The following ABLIM1 variants were observed in gnomAD, a reference collection of about 807,000 sequenced individuals.
ABLIM1 encodes the protein actin-binding LIM protein 1.
In ABLIM1, 40 loss-of-function variants were observed where a neutral mutation model predicts 107.0. The observed-to-expected ratio is 0.37, with a 90% CI of 0.29 to 0.49. The LOEUF is 0.49. Among genes scored for constraint, ABLIM1 ranks in the 20% least tolerant of loss-of-function variants. The probability of loss-of-function intolerance (pLI) is 0.97; values close to 1 mark genes in which losing one functional copy is unlikely to be tolerated. For missense variants in ABLIM1, 857 were observed against 1,008.5 expected, an observed-to-expected ratio of 0.85 and a Z score of 2.04; for synonymous variants, 357 against 357.3, an observed-to-expected ratio of 1.00 and a Z score of 0.01.
intron 1 of ABLIM1, among the ~76,000 whole-genome samples, chr10:114,613,149 CAT>C (rs1452043860): frequency 6.6e-6 from 1 of 152,206 alleles, no homozygotes; most frequent in East Asian, 1.9e-4. Flanking sequence ...AAAGCTAATA[CAT>C]GTGTGGCACT....
chr10:114,795,070 T>A, the ABLIM1 span, among the ~76,000 whole-genome samples: 53 of 152,260 alleles, frequency 3.5e-4, no homozygotes, highest in African/African-American at 1.2e-3. Flanking sequence ...AGTTCTATTT[T>A]TAAGGAAGAA....
intron 8 of ABLIM1, among the ~76,000 whole-genome samples, chr10:114,480,123 T>C (rs539029342): frequency 1.4e-4 from 21 of 152,370 alleles, no homozygotes; most frequent in African/African-American, 4.1e-4. Flanking sequence ...TCTTTGGTCA[T>C]CACAGAATTT....
At chr10:114,614,229 A>G (rs907914599) in intron 1 of ABLIM1, among the ~76,000 whole-genome samples, 1 of 152,114 alleles carries the variant, frequency 6.6e-6, no homozygotes, top group African/African-American at 2.4e-5. Flanking sequence ...AGGCAGGTGG[A>G]TCACCTGAGG....
intron 6 of ABLIM1, among the ~76,000 whole-genome samples, chr10:114,521,805 T>C (rs1590862391): frequency 6.6e-6 from 1 of 152,162 alleles, no homozygotes; most frequent in African/African-American, 2.4e-5. Context: ...GTCATAAGCA[T>C]ACATTCTTGC....
intron 1 of ABLIM1, among the ~76,000 whole-genome samples, chr10:114,644,306 A>AAAAAAAAAT (rs1408072252): frequency 1.3e-4 from 7 of 52,254 alleles, no homozygotes; most frequent in Non-Finnish European, 1.9e-4. Flanking sequence ...AAAAAAAAAA[A>AAAAAAAAAT]ATATATATAT....
intron 1 of ABLIM1, among the ~76,000 whole-genome samples, chr10:114,669,188 A>C (rs1445878750): frequency 6.6e-6 from 1 of 152,206 alleles, no homozygotes; most frequent in African/African-American, 2.4e-5. Context: ...TAAATGATCT[A>C]ACTCAGCAGT....
At position 114,435,189 on chromosome 10, in the gene ABLIM1, G is replaced by A. The variant is rs2059249419; in HGVS notation, c.*1071C>T. The A allele has an allele frequency of 6.6e-6, 1 of 152,190 alleles. No homozygotes were observed. The highest frequency in any genetic ancestry group is 1.5e-5 in the Non-Finnish European group (1 of 68,040). The allele number at this position is 152,190 out of a possible 1,614,324, so 9.4% of individuals were successfully genotyped here. ...AAGGAGTCTACTTTGGAGTTGCAGAGATTTAAAAGAGAAAAACATGTCTTT... is the reference window on the plus strand; with the variant it reads ...AAGGAGTCTACTTTGGAGTTGCAGAAATTTAAAAGAGAAAAACATGTCTTT... On this transcript the variant is annotated 3_prime_UTR_variant, in exon 23 of 23. Transcript: ENST00000533213.
intron 1 of ABLIM1, among the ~76,000 whole-genome samples, chr10:114,705,877 G>A (rs915696197): frequency 1.3e-5 from 2 of 152,210 alleles, no homozygotes; most frequent in Admixed American, 6.5e-5. Flanking sequence ...ACAGAGTAGC[G>A]AAGTGGGAGT....
At chr10:114,759,737 G>A (rs577391768) in intron 1 of ABLIM1, among the ~76,000 whole-genome samples, 4 of 152,140 alleles carry the variant, frequency 2.6e-5, no homozygotes, top group South Asian at 2.1e-4. Context: ...ATCAAAAGTC[G>A]ATCTTTTAAG....
chr10:114,651,931 G>A (rs1003441406), intron 1 of ABLIM1, among the ~76,000 whole-genome samples: 8 of 152,164 alleles, frequency 5.3e-5, no homozygotes, highest in African/African-American at 1.9e-4. Flanking sequence ...GTGTCTCCTT[G>A]CCAGCAGCAG....
chr10:114,632,612 G>C, intron 1 of ABLIM1: 2 of 985,396 alleles, frequency 2.0e-6, no homozygotes, highest in Non-Finnish European at 2.4e-6. Flanking sequence ...ATGGGGCTGG[G>C]GGAAGGTAGA....
At chr10:114,743,458 G>C (rs1448208286) in intron 1 of ABLIM1, among the ~76,000 whole-genome samples, 3 of 152,176 alleles carry the variant, frequency 2.0e-5, no homozygotes, top group African/African-American at 4.8e-5. Flanking sequence ...GCATAAATTA[G>C]ATATAACCAT....
chr10:114,586,329 C>T (rs1047924963), intron 2 of ABLIM1, among the ~76,000 whole-genome samples: 1 of 152,052 alleles, frequency 6.6e-6, no homozygotes, highest in African/African-American at 2.4e-5. Context: ...CTAAGAAGGC[C>T]CTGATTACAG....
rs576806552 is a variant in ABLIM1 at position 114,476,936 on chromosome 10, T to TA, written c.1042-2981dup. On this transcript the variant is annotated intron_variant, in intron 8 of 22. Coordinates refer to ENST00000533213, the MANE Select transcript of ABLIM1 (RefSeq NM_002313.7). Reference sequence around the variant, plus strand: ...TGGCAACGAATGTCTACTGCCCACTTACTACGTGGAAGCCCTGTGCCAAGC... The same window carrying TA: ...TGGCAACGAATGTCTACTGCCCACTTAACTACGTGGAAGCCCTGTGCCAAGC... Among the ~76,000 whole-genome samples, 90 of 152,228 alleles carry TA rather than the reference T, an allele frequency of 5.9e-4. 1 individual carries two copies. Among genetic ancestry groups the TA allele is most frequent in the African/African-American group, 2.2e-3 (90 of 41,548 alleles).
rs1054071585 is a variant in ABLIM1, at chr10:114,434,825, T to C, written c.*1435A>G. ...TAGTGTTGCAGAGCCTGAGGGACTC[T>C]CGTGAGATGCTCTGACCTCCACATC... On this transcript the variant is annotated 3_prime_UTR_variant, in exon 23 of 23. Transcript: ENST00000533213. 1 of 152,182 alleles carries C rather than the reference T, an allele frequency of 6.6e-6. No individual in the cohort carries two copies. Among genetic ancestry groups the C allele is most frequent in the Admixed American group, 6.5e-5 (1 of 15,282 alleles). 9.4% of individuals were successfully genotyped at this position (152,182 alleles called of 1,614,324 possible).
intron 4 of ABLIM1, among the ~76,000 whole-genome samples, chr10:114,569,468 C>T (rs761933403): frequency 1.3e-4 from 20 of 151,918 alleles, no homozygotes; most frequent in South Asian, 8.3e-4. Context: ...TACAGGTACC[C>T]GCCACCACGC....
intron 2 of ABLIM1, 171 bp downstream of exon 2, chr10:114,601,656 T>C (rs1340760678): frequency 9.1e-7 from 1 of 1,094,024 alleles, no homozygotes; most frequent in Non-Finnish European, 1.4e-6. Flanking sequence ...CAGGACTCGT[T>C]CTCGCCCTAG....
chr10:114,698,309 C>T (rs1253098274), intron 1 of ABLIM1, among the ~76,000 whole-genome samples: 1 of 145,194 alleles, frequency 6.9e-6, no homozygotes, highest in East Asian at 2.0e-4. Flanking sequence ...AAAAAAATAA[C>T]AATTATGAAA....
At chr10:114,603,101 C>A (rs1199128527) in intron 1 of ABLIM1, among the ~76,000 whole-genome samples, 1 of 152,150 alleles carries the variant, frequency 6.6e-6, no homozygotes, top group Non-Finnish European at 1.5e-5. Context: ...AACATTGAAC[C>A]TAAAATTAAT....
Sources: allele counts gnomAD v4.1 joint callset (sites outside exome capture counted in the v4.1 genomes callset), GRCh38; gene constraint gnomAD v4.1.1; transcripts MANE v1.5; gene names NCBI Gene and HGNC (gene_info 2026-07-23, HGNC 2026-07-21).